The following STAG1 variants were observed in gnomAD, a reference collection of about 807,000 sequenced individuals.
The protein encoded by STAG1 is STAG1 cohesin complex component.
A neutral mutation model predicts 170.9 loss-of-function variants in STAG1; 26 were observed. The observed-to-expected ratio is 0.15, with a 90% CI of 0.11 to 0.21. STAG1 has a LOEUF of 0.21. Ranked by LOEUF, STAG1 falls within the 10% of genes least tolerant of loss-of-function variation. The pLI is 1.00. For synonymous variants in STAG1, 514 were observed against 497.7 expected (o/e 1.03, Z -0.44); for missense variants, 964 against 1,509.5 (o/e 0.64, Z 5.99).
intron 1 of STAG1, among the ~76,000 whole-genome samples, chr3:136,663,052 A>G (rs1941631442): frequency 6.6e-6 from 1 of 152,136 alleles, no homozygotes. Flanking sequence ...ACTCCATCTC[A>G]AATAAATAAA....
At chr3:136,739,897 C>A (rs1934570620) in intron 1 of STAG1, among the ~76,000 whole-genome samples, 1 of 151,926 alleles carries the variant, frequency 6.6e-6, no homozygotes. Flanking sequence ...GGATACTGTG[C>A]CTTATAAACA....
At chr3:136,733,084 CT>C (rs55935142) in intron 1 of STAG1, among the ~76,000 whole-genome samples, 7,685 of 128,256 alleles carry the variant, frequency 0.06, 154 homozygotes, top group Non-Finnish European at 0.09. Context: ...TAAAACCTAA[CT>C]TTTTTTTTTT....
chr3:136,528,159 T>A (rs979068543), intron 6 of STAG1, among the ~76,000 whole-genome samples: 2 of 152,212 alleles, frequency 1.3e-5, no homozygotes, highest in Admixed American at 6.5e-5. Flanking sequence ...CTGCGTTTTG[T>A]TCAGCTATGC....
rs568453119 is a variant in STAG1 at position 136,407,611 on chromosome 3, G to A, written c.2197-8782C>T. On this transcript the variant is annotated intron_variant, in intron 21 of 33. Coordinates refer to ENST00000383202, the MANE Select transcript of STAG1 (RefSeq NM_005862.3). ...CAAGTAGCTGGGATTACAGGTGTAT[G>A]CCACCATGCCGAGCTAATTTTTGTA... is the stretch of plus-strand genomic sequence containing the variant. Among the ~76,000 whole-genome samples, 33 of 151,864 alleles carry A rather than the reference G, an allele frequency of 2.2e-4. No individual in the cohort carries two copies. In the East Asian group the frequency reaches 5.5e-3, roughly 25 times the overall value.
At chr3:136,498,233 T>TATATACAC in intron 9 of STAG1, among the ~76,000 whole-genome samples, 11 of 57,492 alleles carry the variant, frequency 1.9e-4, no homozygotes, top group South Asian at 5.9e-4. Flanking sequence ...TATATATATA[T>TATATACAC]ACACATACAT....
chr3:136,673,022 G>A (rs915109988), intron 1 of STAG1, among the ~76,000 whole-genome samples: 3 of 152,148 alleles, frequency 2.0e-5, no homozygotes, highest in Non-Finnish European at 2.9e-5. Flanking sequence ...CATTATACAT[G>A]GAACATTCTC....
At chr3:136,398,623 C>A (rs771093909) in intron 22 of STAG1, 126 bp downstream of exon 22, 7 of 392,686 alleles carry the variant, frequency 1.8e-5, no homozygotes, top group Non-Finnish European at 2.4e-5. Flanking sequence ...TGGTAATAGT[C>A]ATATATTTTA....
chr3:136,700,889 T>C (rs1943037759), intron 1 of STAG1, among the ~76,000 whole-genome samples: 1 of 138,952 alleles, frequency 7.2e-6, no homozygotes, highest in Non-Finnish European at 1.6e-5. Context: ...TTTTTTTTTT[T>C]TTTTTTTTTT....
intron 4 of STAG1, among the ~76,000 whole-genome samples, chr3:136,583,519 T>A (rs935300650): frequency 1.3e-5 from 2 of 152,178 alleles, no homozygotes; most frequent in African/African-American, 4.8e-5. Context: ...GCCGGTGCAG[T>A]AGCTCATGCC....
intron 24 of STAG1, among the ~76,000 whole-genome samples, chr3:136,368,553 A>G (rs1937168557): frequency 6.6e-6 from 1 of 152,176 alleles, no homozygotes; most frequent in South Asian, 2.1e-4. Context: ...TCTATCCTAC[A>G]TACACATTTG....
intron 7 of STAG1, among the ~76,000 whole-genome samples, chr3:136,513,091 G>A (rs1488209293): frequency 6.6e-6 from 1 of 152,056 alleles, no homozygotes; most frequent in Non-Finnish European, 1.5e-5. Context: ...CAAGTGGCGG[G>A]GTGTAGGGCC....
Position 136,413,870 on chromosome 3 carries a change from C to T in STAG1, c.2196+4015G>A, listed in dbSNP as rs146871370. Among the ~76,000 whole-genome samples the T allele has an allele frequency of 1.2e-3, 178 of 152,198 alleles. 1 individual carries two copies. Among genetic ancestry groups the T allele is most frequent in the Middle Eastern group, 6.8e-3 (2 of 294 alleles). On this transcript the variant is annotated intron_variant, in intron 21 of 33. Transcript: ENST00000383202. The stretch of plus-strand genomic sequence containing the variant: ...ATACATAGGTGTACCCTGAATATAG[C>T]GCAAGTTTACTCCCAGACCATCACA...
intron 13 of STAG1, among the ~76,000 whole-genome samples, chr3:136,458,774 C>T (rs994039290): frequency 2.0e-5 from 3 of 151,750 alleles, no homozygotes; most frequent in Non-Finnish European, 2.9e-5. Flanking sequence ...TATATTATGC[C>T]GTAAGAAACT....
At chr3:136,729,490 C>G (rs1248276362) in intron 1 of STAG1, among the ~76,000 whole-genome samples, 1 of 151,174 alleles carries the variant, frequency 6.6e-6, no homozygotes, top group South Asian at 2.1e-4. Context: ...TAAATAAGAT[C>G]TAGAGGTTAG....
chr3:136,421,996 A>G (rs1393229261), intron 19 of STAG1, among the ~76,000 whole-genome samples: 2 of 151,950 alleles, frequency 1.3e-5, no homozygotes, highest in Admixed American at 6.6e-5. Flanking sequence ...AAAAATAAAA[A>G]AACAGCCAAG....
intron 1 of STAG1, among the ~76,000 whole-genome samples, chr3:136,633,006 G>C (rs139896437): frequency 6.6e-6 from 1 of 152,038 alleles, no homozygotes; most frequent in Non-Finnish European, 1.5e-5. Flanking sequence ...CTTGGCAAAA[G>C]TAGTTGGGGG....
chr3:136,604,445 G>A lies in STAG1; in HGVS notation c.161C>T (p.Pro54Leu). ...AGCTTCAATTCTGCTCTTCTCACCT[G>A]GAGATTTTCGAGGTTTCTTATTTGT... ...PSTNKKPRKS[P>L]GEKSRIEAGI... is the part of the protein sequence containing the mutation. Residue 54 changes from proline to leucine, a missense_variant, in exon 4 of 34, where the codon CCA (proline) becomes CTA (leucine). Physicochemically the swap from Pro to Leu is moderately conservative, Grantham distance 98 (BLOSUM62 -3). This residue lies in a region of STAG1 where 108 missense variants were observed against 120.2 expected (regional missense o/e 0.90). Coordinates refer to ENST00000383202, the MANE Select transcript of STAG1 (RefSeq NM_005862.3). The A allele has an allele frequency of 1.2e-6, 2 of 1,601,026 alleles. No homozygotes were observed. Among genetic ancestry groups the A allele is most frequent in the Admixed American group, 1.8e-5 (1 of 56,700 alleles).
chr3:136,506,199 C>G (rs981803944), intron 7 of STAG1, among the ~76,000 whole-genome samples: 1 of 152,142 alleles, frequency 6.6e-6, no homozygotes, highest in African/African-American at 2.4e-5. Context: ...AGCAGTGAGG[C>G]AGAGCTGAAA....
At chr3:136,344,816 G>T (rs944086529) in intron 29 of STAG1, among the ~76,000 whole-genome samples, 2 of 151,506 alleles carry the variant, frequency 1.3e-5, no homozygotes, top group African/African-American at 2.4e-5. Flanking sequence ...GTATCATTAT[G>T]TTGGCCAGTC....
Sources: allele counts gnomAD v4.1 joint callset (sites outside exome capture counted in the v4.1 genomes callset), GRCh38; gene constraint gnomAD v4.1.1; regional missense constraint gnomAD v4.1.1; transcripts MANE v1.5; gene names NCBI Gene and HGNC (gene_info 2026-07-23, HGNC 2026-07-21).